Variants in GABRA4 observed in about 807,000 individuals in gnomAD.
The protein encoded by GABRA4 is gamma-aminobutyric acid receptor subunit alpha-4.
Under a neutral mutation model 49.7 loss-of-function variants are expected in GABRA4, and 12 were observed. That is an observed-to-expected ratio of 0.24 (90% confidence interval 0.15 to 0.39). GABRA4 has a LOEUF of 0.39. Among genes scored for constraint, GABRA4 ranks in the 10% least tolerant of loss-of-function variants. The pLI is 1.00. For missense variants in GABRA4, 506 were observed against 686.0 expected (o/e 0.74, Z 2.93); for synonymous variants, 288 against 240.2 (o/e 1.20, Z -1.84).
intron 8 of GABRA4, among the ~76,000 whole-genome samples, chr4:46,959,891 G>A (rs184033112): frequency 5.9e-4 from 89 of 150,036 alleles, no homozygotes; most frequent in Non-Finnish European, 1.1e-3. Context: ...TGGAATACGT[G>A]GACCTACAGC....
intron 8 of GABRA4, among the ~76,000 whole-genome samples, chr4:46,955,685 T>C (rs999658600): frequency 6.6e-6 from 1 of 152,116 alleles, no homozygotes; most frequent in African/African-American, 2.4e-5. Context: ...AGGTATTTCA[T>C]AAATATAACA....
intron 2 of GABRA4, among the ~76,000 whole-genome samples, chr4:46,992,045 A>G (rs1047604869): frequency 2.0e-5 from 3 of 152,316 alleles, no homozygotes; most frequent in Admixed American, 1.3e-4. Context: ...TGGACTGAGA[A>G]GCTGTTTGAG....
chr4:46,940,317 A>T (rs1430582203), intron 8 of GABRA4, among the ~76,000 whole-genome samples: 1 of 152,078 alleles, frequency 6.6e-6, no homozygotes, highest in Non-Finnish European at 1.5e-5. Flanking sequence ...CTCCATCTGT[A>T]GCCCAGAGAA....
At position 46,978,643 on chromosome 4, in the gene GABRA4, C is replaced by T. The variant is rs558376919; in HGVS notation, c.273+388G>A. Among the ~76,000 whole-genome samples, 6 of 138,204 alleles carry T rather than the reference C, an allele frequency of 4.3e-5. No homozygotes were observed. The South Asian group carries it at 7.2e-4, about 17-fold the overall frequency. 90.7% of individuals were successfully genotyped at this position (138,204 alleles called of 152,430 possible). On this transcript the variant is annotated intron_variant, in intron 3 of 8. Transcript: ENST00000264318. ...TGGAGGTTGCAGTGAGCAAAGATCCCGCCATTGTACTCCAGCCTGGGCAAC... is the reference window on the plus strand; with the variant it reads ...TGGAGGTTGCAGTGAGCAAAGATCCTGCCATTGTACTCCAGCCTGGGCAAC...
rs1397437250 is a variant in GABRA4 at position 46,921,580 on chromosome 4, G to A, written c.*6645C>T. On this transcript the variant is annotated 3_prime_UTR_variant, in exon 9 of 9. Coordinates refer to ENST00000264318, the MANE Select transcript of GABRA4 (RefSeq NM_000809.4). ...CTGGTTTAATCCAGATTTAATCTAG[G>A]TTTAATGCTTGATTCCAGTGACATC... is the stretch of plus-strand genomic sequence containing the variant. The A allele has an allele frequency of 2.0e-5, 3 of 152,044 alleles. No individual in the cohort carries two copies. Among genetic ancestry groups the A allele is most frequent in the South Asian group, 4.2e-4 (2 of 4,810 alleles). 9.4% of individuals were successfully genotyped at this position (152,044 alleles called of 1,614,324 possible). A position where few individuals can be genotyped will look rare whatever the true frequency, so the allele number is the denominator to read the frequency against.
rs1373459236 is a variant in GABRA4 at position 46,928,194 on chromosome 4, CAT to C, written c.*29_*30del. ...TTAAAAAGACATTCTGCATTTTCAT[CAT>C]CTTTTAGCAAACTACTATAGCAACG... On this transcript the variant is annotated 3_prime_UTR_variant, in exon 9 of 9. Coordinates refer to ENST00000264318, the MANE Select transcript of GABRA4 (RefSeq NM_000809.4). The C allele has an allele frequency of 3.3e-6, 5 of 1,494,998 alleles. No individual in the cohort carries two copies. Among genetic ancestry groups the C allele is most frequent in the Non-Finnish European group, 3.6e-6 (4 of 1,110,704 alleles). The allele number at this position is 1,494,998 out of a possible 1,614,324, so 92.6% of individuals were successfully genotyped here.
chr4:46,931,206 C>A (rs1265441781), intron 8 of GABRA4, among the ~76,000 whole-genome samples: 1 of 152,010 alleles, frequency 6.6e-6, no homozygotes, highest in African/African-American at 2.4e-5. Context: ...TGACATTCAC[C>A]CAAAGCCAGG....
intron 1 of GABRA4, 24 bp downstream of exon 1, chr4:46,993,315 C>T: frequency 6.2e-7 from 1 of 1,606,840 alleles, no homozygotes; most frequent in Non-Finnish European, 8.5e-7. Flanking sequence ...CGTTGCCCAC[C>T]TCCTCGCACC....
chr4:46,979,536 G>T lies in GABRA4; in HGVS notation c.206-438C>A, dbSNP rs55951600. ...GCTGTAAGGAATGTATCCTTGGAGA[G>T]CTGAGGATACTAGTAAATAATTTTA... is the stretch of plus-strand genomic sequence containing the variant. On this transcript the variant is annotated intron_variant, in intron 2 of 8. Transcript: ENST00000264318. Among the ~76,000 whole-genome samples the T allele has an allele frequency of 6.9e-3, 1,043 of 152,156 alleles. 14 individuals carry two copies. Among genetic ancestry groups the T allele is most frequent in the African/African-American group, 0.024 (989 of 41,528 alleles).
At chr4:46,933,340 A>G (rs940146300) in intron 8 of GABRA4, among the ~76,000 whole-genome samples, 9 of 152,102 alleles carry the variant, frequency 5.9e-5, no homozygotes, top group African/African-American at 2.2e-4. Context: ...CCAATTTATT[A>G]TTTCTTTTTC....
intron 8 of GABRA4, among the ~76,000 whole-genome samples, chr4:46,957,983 A>G (rs1722425655): frequency 6.6e-6 from 1 of 151,984 alleles, no homozygotes; most frequent in Non-Finnish European, 1.5e-5. Flanking sequence ...AATATTCTAT[A>G]TTGGGCTTAT....
At chr4:46,946,033 A>G (rs1721967144) in intron 8 of GABRA4, among the ~76,000 whole-genome samples, 1 of 152,126 alleles carries the variant, frequency 6.6e-6, no homozygotes, top group African/African-American at 2.4e-5. Flanking sequence ...CTGCTCCACA[A>G]TAAAACCTCA....
intron 2 of GABRA4, among the ~76,000 whole-genome samples, chr4:46,992,279 C>CA (rs765666643): frequency 5.9e-5 from 9 of 151,928 alleles, no homozygotes; most frequent in Non-Finnish European, 1.3e-4. Context: ...GACACATCAC[C>CA]AAAAAAGAAA....
chr4:46,919,303 C>A lies in GABRA4; in HGVS notation c.*8922G>T, dbSNP rs1720888818. On this transcript the variant is annotated 3_prime_UTR_variant, in exon 9 of 9. Coordinates refer to ENST00000264318, the MANE Select transcript of GABRA4 (RefSeq NM_000809.4). ...GCTCCTTTTTTTCAAAATAAATTTG[C>A]AAAAACAAAATAATAATGACTATGT... The A allele has an allele frequency of 6.6e-6, 1 of 151,128 alleles. No individual in the cohort carries two copies. The highest frequency in any genetic ancestry group is 6.6e-5 in the Admixed American group (1 of 15,164). The allele number at this position is 151,128 out of a possible 1,614,324, so 9.4% of individuals were successfully genotyped here. A position where few individuals can be genotyped will look rare whatever the true frequency, so the allele number is the denominator to read the frequency against.
intron 8 of GABRA4, among the ~76,000 whole-genome samples, chr4:46,963,631 T>C (rs1002491383): frequency 7.2e-5 from 11 of 151,822 alleles, no homozygotes; most frequent in Middle Eastern, 3.4e-3. Context: ...TGATCAGCAG[T>C]GTGAAAATGG....
chr4:46,931,335 G>T (rs1405823407), intron 8 of GABRA4, among the ~76,000 whole-genome samples: 5 of 151,984 alleles, frequency 3.3e-5, no homozygotes, highest in African/African-American at 4.8e-5. Flanking sequence ...ACACTGCTCT[G>T]GTATTGTCTA....
intron 2 of GABRA4, among the ~76,000 whole-genome samples, chr4:46,982,396 C>T (rs1723387306): frequency 6.6e-6 from 1 of 151,708 alleles, no homozygotes; most frequent in South Asian, 2.1e-4. Context: ...CACACACACA[C>T]ATAGCAGAGA....
intron 6 of GABRA4, 94 bp downstream of exon 6, chr4:46,974,135 TCTC>T (rs1723052881): frequency 2.5e-6 from 3 of 1,222,150 alleles, no homozygotes; most frequent in African/African-American, 3.0e-5. Flanking sequence ...TGTTTGTTGT[TCTC>T]CTGAAAAAAT....
At chr4:46,940,339 G>T (rs2109346845) in intron 8 of GABRA4, among the ~76,000 whole-genome samples, 1 of 152,064 alleles carries the variant, frequency 6.6e-6, no homozygotes, top group East Asian at 1.9e-4. Context: ...GTATCAACAT[G>T]AGCTCTATCT....
Sources: allele counts gnomAD v4.1 joint callset (sites outside exome capture counted in the v4.1 genomes callset), GRCh38; gene constraint gnomAD v4.1.1; transcripts MANE v1.5; gene names NCBI Gene and HGNC (gene_info 2026-07-23, HGNC 2026-07-21).